ITGB4: variants seen among roughly 807,000 people sequenced by gnomAD.
The protein encoded by ITGB4 is integrin beta-4.
Under a neutral mutation model 207.6 loss-of-function variants are expected in ITGB4, and 159 were observed. The observed-to-expected ratio is 0.77, with a 90% CI of 0.67 to 0.87. The LOEUF (loss-of-function observed/expected upper bound fraction) is 0.87, where lower values mean the gene tolerates loss of function less well. Among genes scored for constraint, ITGB4 ranks in the 40% least tolerant of loss-of-function variants. ITGB4 has a pLI of 0.00. For missense variants in ITGB4, 2,278 were observed against 2,546.8 expected, an observed-to-expected ratio of 0.89 and a Z score of 2.27; for synonymous variants, 1,020 against 1,062.7, an observed-to-expected ratio of 0.96 and a Z score of 0.78.
At chr17:75,728,620 G>A (rs1400722144) in intron 6 of ITGB4, 147 bp downstream of exon 6, 7 of 696,112 alleles carry the variant, frequency 1.0e-5, no homozygotes, top group East Asian at 2.9e-5. Flanking sequence ...AGACCAGGGC[G>A]GGCAGATCAC....
intron 15 of ITGB4, 29 bp from the exon 16 acceptor site, chr17:75,736,536 G>T: frequency 6.3e-7 from 1 of 1,586,796 alleles, no homozygotes; most frequent in Non-Finnish European, 8.6e-7. Flanking sequence ...CCAACACAGT[G>T]CCTGTCTGCC....
At chr17:75,736,789 T>C (rs1217740985) in intron 16 of ITGB4, 95 bp downstream of exon 16, 3 of 1,401,868 alleles carry the variant, frequency 2.1e-6, no homozygotes, top group Non-Finnish European at 3.0e-6. Flanking sequence ...GGGCTTGCAG[T>C]CTGGGCTAAG....
At chr17:75,725,883 C>T (rs577732457) in intron 2 of ITGB4, among the ~76,000 whole-genome samples, 2 of 152,224 alleles carry the variant, frequency 1.3e-5, no homozygotes, top group Non-Finnish European at 2.9e-5. Context: ...GCAGTGGTCT[C>T]GCCGTGAGGC....
At chr17:75,730,597 C>T in intron 8 of ITGB4, 93 bp downstream of exon 8, 1 of 936,172 alleles carries the variant, frequency 1.1e-6, no homozygotes, top group Non-Finnish European at 1.5e-6. Context: ...TCCCTCCCTC[C>T]CTCCCTTCCT....
chr17:75,756,455 A>G lies in ITGB4; in HGVS notation c.4735A>G (p.Asn1579Asp), dbSNP rs2061505322. Reference protein sequence around the residue: ...GGELHRLNIPNPAQTSVVVED... With the variant: ...GGELHRLNIPDPAQTSVVVED... ...TGAGCTGCATCGGCTCAACATCCCC[A>G]ACCCTGCCCAGACCTCGGTGGTGGT... The change falls in exon 36 of 40, where the codon AAC becomes GAC. Residue 1579 changes from asparagine (N) to aspartate (D), a missense_variant. Asn to Asp is a conservative substitution (Grantham distance 23). Coordinates refer to ENST00000200181, the MANE Select transcript of ITGB4 (RefSeq NM_000213.5). 6.2e-7 allele frequency: 1 copy of G among 1,613,114 alleles called. No individual in the cohort carries two copies.
intron 18 of ITGB4, among the ~76,000 whole-genome samples, chr17:75,738,097 G>A (rs919331290): frequency 1.3e-5 from 2 of 152,192 alleles, no homozygotes; most frequent in African/African-American, 4.8e-5. Flanking sequence ...TCCCTCATCT[G>A]TAAAATGAAG....
Position 75,729,266 on chromosome 17 carries a change from C to A in ITGB4, c.568C>A (p.Leu190Met). ...VPQTDMRPEK[L>M]KEPWPNSDPP... ...TCTCTCCCTCCCACCTCTGCCCAGG[C>A]TGAAGGAGCCCTGGCCCAACAGTGA... is the stretch of plus-strand genomic sequence containing the variant. The change falls in exon 7 of 40, where the codon CTG becomes ATG. Residue 190 changes from leucine to methionine, a missense_variant and splice_region_variant. Coordinates refer to ENST00000200181, the MANE Select transcript of ITGB4 (RefSeq NM_000213.5). The surrounding 1 kb of genome is among the most constrained non-coding windows in gnomAD (Gnocchi z 4.4). 6.2e-7 allele frequency: 1 copy of A among 1,614,006 alleles called. No individual in the cohort carries two copies. The highest frequency in any genetic ancestry group is 8.5e-7 in the Non-Finnish European group (1 of 1,179,946).
In ITGB4 at chr17:75,730,361, C is replaced by T. The variant is rs140750952; in HGVS notation, c.859C>T (p.Arg287Trp). ...TGGCATCATGAGCCGCAACGATGAA[C>T]GGTGCCACCTGGACACCACGGGCAC... is the stretch of plus-strand genomic sequence containing the variant. ...LAGIMSRNDE[R>W]CHLDTTGTYT... is the part of the protein sequence containing the mutation. The change falls in exon 8 of 40, where the codon CGG (arginine) becomes TGG (tryptophan). Residue 287 changes from arginine to tryptophan, a missense_variant. By Grantham distance (101) the Arg-to-Trp change is moderately radical. Coordinates refer to ENST00000200181, the MANE Select transcript of ITGB4 (RefSeq NM_000213.5). 43 of 1,613,788 alleles carry T rather than the reference C, an allele frequency of 2.7e-5. No individual in the cohort carries two copies. Among genetic ancestry groups the T allele is most frequent in the Admixed American group, 1.0e-4 (6 of 60,012 alleles).
intron 32 of ITGB4, 140 bp from the exon 33 acceptor site, chr17:75,753,625 C>T (rs1456802524): frequency 4.6e-5 from 23 of 503,440 alleles, no homozygotes; most frequent in African/African-American, 6.0e-5. Context: ...TGCGCATCTA[C>T]CCCCGCCCCC....
intron 32 of ITGB4, 103 bp downstream of exon 32, chr17:75,752,680 T>C: frequency 1.4e-6 from 2 of 1,472,660 alleles, no homozygotes; most frequent in Non-Finnish European, 1.9e-6. Flanking sequence ...CTAGAGGACA[T>C]GGAGGTTAAG....
chr17:75,728,526 C>T, intron 6 of ITGB4, 53 bp downstream of exon 6: 1 of 1,363,070 alleles, frequency 7.3e-7, no homozygotes, highest in South Asian at 1.2e-5. Context: ...CCATGTGACC[C>T]CCACTCCTCT....
rs2061300468 is a variant in ITGB4, at chr17:75,748,984, C to A, written c.3255C>A (p.Asn1085Lys). The change falls in exon 27 of 40, where the codon AAC becomes AAA. Residue 1085 changes from asparagine (N) to lysine (K), a missense_variant. Physicochemically the swap from Asn to Lys is moderately conservative, Grantham distance 94. Coordinates refer to ENST00000200181, the MANE Select transcript of ITGB4 (RefSeq NM_000213.5). ...GCCGTTTCCACGTCCAGCTCAGCAA[C>A]CCTAAGTTTGGGGCCCACCTGGGCC... ...QVRRFHVQLS[N>K]PKFGAHLGQP... 2 of 1,613,398 alleles carry A rather than the reference C, an allele frequency of 1.2e-6. No individual in the cohort carries two copies. The highest frequency in any genetic ancestry group is 1.7e-6 in the Non-Finnish European group (2 of 1,180,000).
chr17:75,751,744 A>G (rs770283464), intron 30 of ITGB4: 13 of 237,810 alleles, frequency 5.5e-5, no homozygotes, highest in Non-Finnish European at 1.1e-4. Flanking sequence ...CCGTCTAAAA[A>G]TAAATAAATA....
intron 2 of ITGB4, among the ~76,000 whole-genome samples, chr17:75,725,693 A>G (rs2060704488): frequency 6.6e-6 from 1 of 152,214 alleles, no homozygotes; most frequent in Admixed American, 6.5e-5. Flanking sequence ...CCAGGTGCAC[A>G]CAGTAGGTCC....
Position 75,729,030 on chromosome 17 carries a change from C to T in ITGB4, c.567-235C>T, listed in dbSNP as rs1193018037. ...AAAATTAGCCAGGTGTGGTGGTGGGCGCCTGTAATTCCAGCTACTTGGGAG... is the reference window on the plus strand; with the variant it reads ...AAAATTAGCCAGGTGTGGTGGTGGGTGCCTGTAATTCCAGCTACTTGGGAG... On this transcript the variant is annotated intron_variant, in intron 6 of 39. Transcript: ENST00000200181. This position sits in a 1 kb window ranked among gnomAD's most constrained non-coding sequence, Gnocchi z 4.4. Among the ~76,000 whole-genome samples the T allele has an allele frequency of 2.0e-5, 3 of 149,468 alleles. No individual in the cohort carries two copies. Among genetic ancestry groups the T allele is most frequent in the East Asian group, 2.0e-4 (1 of 5,128 alleles).
At position 75,751,118 on chromosome 17, in the gene ITGB4, A is replaced by G; in HGVS notation, c.3793+7A>G. The G allele has an allele frequency of 1.2e-6, 2 of 1,612,966 alleles. No individual in the cohort carries two copies. Among genetic ancestry groups the G allele is most frequent in the South Asian group, 1.1e-5 (1 of 91,086 alleles). ...CTGGTCAACGATGACAACCGTAAGA[A>G]CCAGATCCTTCTTTCCTGCCCACAG... On this transcript the variant is annotated splice_region_variant and intron_variant, in intron 30 of 39. Transcript: ENST00000200181.
rs558077506 is a variant in ITGB4 at position 75,749,092 on chromosome 17, T to TG, written c.3316+53dup. 2,524 of 1,495,216 alleles carry TG rather than the reference T, an allele frequency of 1.7e-3. 2 individuals carry two copies. The highest frequency in any genetic ancestry group is 2.1e-3 in the Non-Finnish European group (2,266 of 1,091,180). 92.6% of individuals were successfully genotyped at this position (1,495,216 alleles called of 1,614,324 possible). On this transcript the variant is annotated intron_variant, in intron 27 of 39. Coordinates refer to ENST00000200181, the MANE Select transcript of ITGB4 (RefSeq NM_000213.5). ...GCTTAAGCAGGAGGAGAGGGAAGACTGGGGGGTCTCTCAACTAGGTCTGTC... is the reference window on the plus strand; with the variant it reads ...GCTTAAGCAGGAGGAGAGGGAAGACTGGGGGGGTCTCTCAACTAGGTCTGTC...
At position 75,754,609 on chromosome 17, in the gene ITGB4, T is replaced by TC. The variant is rs1568383298; in HGVS notation, c.4355dup (p.Ser1454GlnfsTer118). Reference sequence around the variant, plus strand: ...GTGAATGGCCGGATGGACTTTGCCTTCCCGGGCAGCACCAACTCCCTGCAC... The same window carrying TC: ...GTGAATGGCCGGATGGACTTTGCCTTCCCCGGGCAGCACCAACTCCCTGCAC... On this transcript the variant is annotated frameshift_variant, in exon 34 of 40. Coordinates refer to ENST00000200181, the MANE Select transcript of ITGB4 (RefSeq NM_000213.5). LOFTEE classifies it high-confidence loss of function. 3.1e-6 allele frequency: 5 copies of TC among 1,613,856 alleles called. No homozygotes were observed. In the Admixed American group the frequency reaches 6.7e-5, roughly 22 times the overall value.
chr17:75,752,625 A>G (rs1568380824), intron 32 of ITGB4, 48 bp downstream of exon 32: 1 of 1,610,204 alleles, frequency 6.2e-7, no homozygotes, highest in East Asian at 2.2e-5. Flanking sequence ...GGTCTTGGGT[A>G]CAGAGTGAGT....
Sources: allele counts gnomAD v4.1 joint callset (sites outside exome capture counted in the v4.1 genomes callset), GRCh38; gene constraint gnomAD v4.1.1; non-coding constraint Gnocchi (gnomAD v3.1); transcripts MANE v1.5; gene names NCBI Gene and HGNC (gene_info 2026-07-23, HGNC 2026-07-21).